TENM1: variants seen among roughly 807,000 people sequenced by gnomAD.
TENM1 encodes the protein teneurin transmembrane protein 1, also known as teneurin-1.
A neutral mutation model predicts 174.8 loss-of-function variants in TENM1; 35 were observed. The ratio of observed to expected loss-of-function variants is 0.20; its 90% CI spans 0.15 to 0.27. The LOEUF is 0.27. TENM1 is among the 10% of genes least tolerant of loss of function. The probability of loss-of-function intolerance (pLI) is 1.00; values close to 1 mark genes in which losing one functional copy is unlikely to be tolerated. For missense variants in TENM1, 1,633 were observed against 2,130.1 expected, an observed-to-expected ratio of 0.77 and a Z score of 4.59; for synonymous variants, 781 against 798.7, an observed-to-expected ratio of 0.98 and a Z score of 0.37.
At chrX:124,814,779 G>A (rs2055861712) in intron 3 of TENM1, among the ~76,000 whole-genome samples, 1 of 111,596 alleles carries the variant, frequency 9.0e-6, no homozygotes, top group Non-Finnish European at 1.9e-5. Context: ...GGAAAAGGGA[G>A]GGGCAGGATA....
chrX:124,599,747 T>C (rs2049985589), intron 11 of TENM1, among the ~76,000 whole-genome samples: 1 of 111,017 alleles, frequency 9.0e-6, no homozygotes, highest in African/African-American at 3.3e-5. Context: ...ACTGGTAACA[T>C]AGTGACAGCT....
At chrX:124,753,565 C>T (rs5956686) in intron 3 of TENM1, among the ~76,000 whole-genome samples, 15,885 of 103,521 alleles carry the variant, frequency 0.15, 1,707 homozygotes, top group African/African-American at 0.36. Context: ...CTGTCTTGTG[C>T]CAGTTTTCAA....
intron 3 of TENM1, among the ~76,000 whole-genome samples, chrX:124,866,114 T>A (rs1281432905): frequency 6.3e-5 from 7 of 111,260 alleles, no homozygotes; most frequent in Non-Finnish European, 1.9e-5. Context: ...AGACAGAAAA[T>A]CAACAAAGAA....
rs931107594 is a variant in TENM1, at chrX:124,517,610, T to C, written c.3301+2907A>G. Among the ~76,000 whole-genome samples the C allele has an allele frequency of 8.1e-5, 7 of 86,232 alleles. No homozygotes were observed. The Admixed American group carries it at 8.3e-4, about 10-fold the overall frequency. 74.9% of individuals were successfully genotyped at this position (86,232 alleles called of 115,157 possible). A position where few individuals can be genotyped will look rare whatever the true frequency, so the allele number is the denominator to read the frequency against. On this transcript the variant is annotated intron_variant, in intron 18 of 31. Transcript: ENST00000422452. Reference sequence around the variant, plus strand: ...TTCTCACTCATAGGTGGGAATTGAATAATGAGAACACTTGGACACAGGAAG... The same window carrying C: ...TTCTCACTCATAGGTGGGAATTGAACAATGAGAACACTTGGACACAGGAAG...
intron 3 of TENM1, among the ~76,000 whole-genome samples, chrX:124,769,180 AT>A (rs1248875924): frequency 8.9e-6 from 1 of 112,074 alleles, no homozygotes; most frequent in Non-Finnish European, 1.9e-5. Flanking sequence ...AATATTTTTA[AT>A]GAGTGCATGT....
chrX:125,187,664 A>C, the TENM1 span, among the ~76,000 whole-genome samples: 2 of 111,307 alleles, frequency 1.8e-5, no homozygotes, highest in African/African-American at 6.5e-5. Flanking sequence ...GATGGGGGAA[A>C]GGGGACTACA....
At chrX:124,905,597 T>TG (rs2057735354) in intron 1 of TENM1, among the ~76,000 whole-genome samples, 1 of 111,466 alleles carries the variant, frequency 9.0e-6, no homozygotes, top group Non-Finnish European at 1.9e-5. Context: ...AGAAACAAAT[T>TG]AGGTAAACCC....
intron 23 of TENM1, among the ~76,000 whole-genome samples, chrX:124,425,831 A>G (rs1402074690): frequency 9.0e-6 from 1 of 111,220 alleles, no homozygotes; most frequent in Non-Finnish European, 1.9e-5. Flanking sequence ...TGCTGTCCAG[A>G]CCATATTAGA....
chrX:125,116,975 C>T, the TENM1 span, among the ~76,000 whole-genome samples: 5 of 100,664 alleles, frequency 5.0e-5, no homozygotes, highest in East Asian at 1.3e-3. Flanking sequence ...TGTGTCATTG[C>T]ACTCCAGCCT....
At chrX:124,791,525 T>G (rs1045291738) in intron 3 of TENM1, among the ~76,000 whole-genome samples, 1 of 111,889 alleles carries the variant, frequency 8.9e-6, no homozygotes, top group Non-Finnish European at 1.9e-5. Flanking sequence ...ACGCTTCTTT[T>G]CCATTACCTC....
chrX:125,046,277 G>A, the TENM1 span, among the ~76,000 whole-genome samples: 1 of 111,785 alleles, frequency 8.9e-6, no homozygotes, highest in Non-Finnish European at 1.9e-5. Flanking sequence ...ATATTTCCTT[G>A]ACTTTAGTCA....
intron 1 of TENM1, among the ~76,000 whole-genome samples, chrX:124,908,743 T>C (rs1028008916): frequency 6.3e-5 from 7 of 111,928 alleles, no homozygotes; most frequent in African/African-American, 1.9e-4. Context: ...TAAAACTGCA[T>C]GTTCCTTGGT....
intron 3 of TENM1, among the ~76,000 whole-genome samples, chrX:124,769,709 T>C (rs1411307889): frequency 2.7e-5 from 3 of 112,281 alleles, no homozygotes; most frequent in Non-Finnish European, 5.6e-5. Context: ...GAAATTCTTT[T>C]TGGAAAAGCA....
chrX:124,705,388 T>C (rs1280275677), intron 4 of TENM1, 137 bp from the exon 8 acceptor site: 1 of 436,457 alleles, frequency 2.3e-6, no homozygotes, highest in East Asian at 3.6e-5. Context: ...CATTTTCATA[T>C]ACCTAAGAGA....
In TENM1 at chrX:124,642,010, G is replaced by A. The variant is rs746281735; in HGVS notation, c.1877-19C>T. 5.2e-6 allele frequency: 6 copies of A among 1,151,604 alleles called. No homozygotes were observed. Among genetic ancestry groups the A allele is most frequent in the Non-Finnish European group, 7.1e-6 (6 of 842,490 alleles). The allele number at this position is 1,151,604 out of a possible 1,213,427, so 94.9% of individuals were successfully genotyped here. A position where few individuals can be genotyped will look rare whatever the true frequency, so the allele number is the denominator to read the frequency against. On this transcript the variant is annotated intron_variant, in intron 10 of 31. Coordinates refer to ENST00000422452, the Ensembl canonical transcript of TENM1. The stretch of plus-strand genomic sequence containing the variant: ...CAGTCCTCTGAAGGCACAAAAAAGT[G>A]GGGGGGAGGGGTGATTAATAGTGAA...
At chrX:125,101,470 T>G in the TENM1 span, among the ~76,000 whole-genome samples, 1 of 112,033 alleles carries the variant, frequency 8.9e-6, no homozygotes, top group African/African-American at 3.3e-5. Flanking sequence ...CTAATGACTT[T>G]TTTGAGGTCA....
chrX:124,561,229 T>C (rs1024407253), intron 14 of TENM1, among the ~76,000 whole-genome samples: 1 of 111,438 alleles, frequency 9.0e-6, no homozygotes, highest in African/African-American at 3.3e-5. Flanking sequence ...TTTGATATGA[T>C]AAATGCCATG....
chrX:124,660,199 C>T (rs1212257462), intron 6 of TENM1, among the ~76,000 whole-genome samples: 1 of 109,645 alleles, frequency 9.1e-6, no homozygotes, highest in Non-Finnish European at 1.9e-5. Flanking sequence ...ACAGTGAAAC[C>T]CCGTCTCTAC....
chrX:124,530,326 G>A (rs892148665), intron 15 of TENM1, among the ~76,000 whole-genome samples: 2 of 109,579 alleles, frequency 1.8e-5, no homozygotes, highest in African/African-American at 3.3e-5. Flanking sequence ...CCTGATTTTC[G>A]GACATTTTGT....
Sources: allele counts gnomAD v4.1 joint callset (sites outside exome capture counted in the v4.1 genomes callset), GRCh38; gene constraint gnomAD v4.1.1; transcripts MANE v1.5; gene names NCBI Gene and HGNC (gene_info 2026-07-23, HGNC 2026-07-21).